Variants in STK35 observed in about 807,000 individuals in gnomAD.
STK35 encodes the protein serine/threonine kinase 35, also known as serine/threonine-protein kinase 35.
STK35 carries 17 observed loss-of-function variants against 37.3 expected under a neutral mutation model. That is an observed-to-expected ratio of 0.46 (90% CI 0.31 to 0.68). The LOEUF (loss-of-function observed/expected upper bound fraction) is 0.68. STK35 is among the 30% of genes least tolerant of loss of function. The pLI, the probability that STK35 is intolerant of heterozygous loss-of-function variation, is 0.05. For synonymous variants in STK35, 385 were observed against 319.1 expected, an observed-to-expected ratio of 1.21 and a Z score of -2.20; for missense variants, 595 against 746.7, an observed-to-expected ratio of 0.80 and a Z score of 2.37.
At chr20:2,136,245 G>A (rs908700456) in intron 3 of STK35, among the ~76,000 whole-genome samples, 1 of 152,202 alleles carries the variant, frequency 6.6e-6, no homozygotes, top group Non-Finnish European at 1.5e-5. Context: ...GTCAGTAAGG[G>A]GAATAGTAGC....
intron 3 of STK35, among the ~76,000 whole-genome samples, chr20:2,138,345 CA>C (rs1212412774): frequency 6.6e-6 from 1 of 152,188 alleles, no homozygotes; most frequent in Non-Finnish European, 1.5e-5. Flanking sequence ...TGACCATTAA[CA>C]TGAATGACAG....
At chr20:2,136,428 T>C (rs1035424976) in intron 3 of STK35, among the ~76,000 whole-genome samples, 1 of 152,222 alleles carries the variant, frequency 6.6e-6, no homozygotes, top group African/African-American at 2.4e-5. Flanking sequence ...GGCTTCCGAC[T>C]TGGACACGGT....
At chr20:2,115,967 C>T (rs77057998) in intron 2 of STK35, among the ~76,000 whole-genome samples, 9 of 152,096 alleles carry the variant, frequency 5.9e-5, no homozygotes, top group Non-Finnish European at 1.2e-4. Flanking sequence ...CTCCTGCCTC[C>T]GCTTCACTGT....
chr20:2,114,082 C>A (rs1985669501), intron 2 of STK35, among the ~76,000 whole-genome samples: 2 of 152,122 alleles, frequency 1.3e-5, no homozygotes, highest in Admixed American at 1.3e-4. Context: ...TCATCCACGT[C>A]GCCTCCTTCC....
chr20:2,141,093 T>G (rs1986165124), intron 3 of STK35, among the ~76,000 whole-genome samples: 1 of 152,228 alleles, frequency 6.6e-6, no homozygotes, highest in African/African-American at 2.4e-5. Context: ...GGTCTTAATG[T>G]CTCAGATGGT....
chr20:2,136,309 T>G (rs1040255011), intron 3 of STK35, among the ~76,000 whole-genome samples: 2 of 152,224 alleles, frequency 1.3e-5, no homozygotes, highest in Non-Finnish European at 2.9e-5. Flanking sequence ...TGATAGGCTA[T>G]GTAATGTCAG....
intron 3 of STK35, among the ~76,000 whole-genome samples, chr20:2,137,379 C>T (rs1325455065): frequency 2.0e-5 from 3 of 152,228 alleles, no homozygotes; most frequent in Non-Finnish European, 4.4e-5. Context: ...CCACGCTCCT[C>T]TGCATTTGGG....
At chr20:2,127,941 G>T (rs532784373) in intron 3 of STK35, among the ~76,000 whole-genome samples, 1 of 152,302 alleles carries the variant, frequency 6.6e-6, no homozygotes, top group Admixed American at 6.5e-5. Context: ...GATGTCATGA[G>T]TAAGAAGTGT....
At position 2,103,146 on chromosome 20, in the gene STK35, G is replaced by A. The variant is rs1985439866; in HGVS notation, c.673G>A (p.Gly225Arg). ...TTATGAGGCAGTGGCCGGGCGCAGC[G>A]GGGCCCGGGTGGCGGTCAAGAAGAT... ...VVYEAVAGRS[G>R]ARVAVKKIRC... The change falls in exon 2 of 4, where the codon GGG (glycine) becomes AGG (arginine). Residue 225 changes from glycine to arginine, a missense_variant. Transcript: ENST00000381482. The A allele has an allele frequency of 2.5e-6, 4 of 1,605,582 alleles. No individual in the cohort carries two copies. Among genetic ancestry groups the A allele is most frequent in the African/African-American group, 1.3e-5 (1 of 75,014 alleles).
rs1195223400 is a variant in STK35, at chr20:2,130,578, C to CT, written c.*37+13164dup. On this transcript the variant is annotated intron_variant, in intron 3 of 3. Transcript: ENST00000381482. ...GCAGCTCTCCAGTGTGGGCATCTCG[C>CT]TCTCTCTTTATTTATTTATTTTTAC... Among the ~76,000 whole-genome samples, 10 of 152,250 alleles carry CT rather than the reference C, an allele frequency of 6.6e-5. No individual in the cohort carries two copies. The South Asian group carries it at 8.3e-4, about 13-fold the overall frequency.
intron 2 of STK35, among the ~76,000 whole-genome samples, chr20:2,103,820 C>G (rs1311085207): frequency 1.3e-5 from 2 of 152,140 alleles, no homozygotes; most frequent in Non-Finnish European, 2.9e-5. Context: ...CTGTCTGGTT[C>G]CAAGTTTCCT....
In STK35 at chr20:2,102,860, G is replaced by A; in HGVS notation, c.387G>A (p.Pro129=). 6 of 1,554,296 alleles carry A rather than the reference G, an allele frequency of 3.9e-6. No homozygotes were observed. In the South Asian group the frequency reaches 7.0e-5, roughly 18 times the overall value. ...GARAAPLLLP[P]PPAAMETGKD... ...GGGCAGCGCCGTTGCTGCTCCCCCC[G>A]CCGCCCGCAGCCATGGAAACGGGGA... Residue 129 remains proline (P), a synonymous_variant, in exon 2 of 4, where the codon CCG becomes CCA. Coordinates refer to ENST00000381482, the MANE Select transcript of STK35 (RefSeq NM_080836.4).
At position 2,102,749 on chromosome 20, in the gene STK35, C is replaced by G. The variant is rs1014539758; in HGVS notation, c.295-19C>G. On this transcript the variant is annotated intron_variant, in intron 1 of 3. Transcript: ENST00000381482. ...TCCCCGCCTTGGCCTGGCCGTTTAA[C>G]CGATTCTTTCGCCCGCAGGTCACAA... 1 of 1,409,262 alleles carries G rather than the reference C, an allele frequency of 7.1e-7. No individual in the cohort carries two copies. Among genetic ancestry groups the G allele is most frequent in the South Asian group, 1.4e-5 (1 of 69,484 alleles). 87.3% of individuals were successfully genotyped at this position (1,409,262 alleles called of 1,614,324 possible).
chr20:2,142,054 CT>C (rs760318033), intron 3 of STK35, among the ~76,000 whole-genome samples: 83 of 152,226 alleles, frequency 5.5e-4, no homozygotes, highest in Non-Finnish European at 1.0e-3. Flanking sequence ...TTCCAGAAGC[CT>C]TATCCCCTCC....
chr20:2,146,925 T>C lies in STK35; in HGVS notation c.*3179T>C, dbSNP rs1986280012. 1 of 152,420 alleles carries C rather than the reference T, an allele frequency of 6.6e-6. No homozygotes were observed. The highest frequency in any genetic ancestry group is 6.5e-5 in the Admixed American group (1 of 15,282). The allele number at this position is 152,420 out of a possible 1,614,324, so 9.4% of individuals were successfully genotyped here. On this transcript the variant is annotated 3_prime_UTR_variant, in exon 4 of 4. Coordinates refer to ENST00000381482, the MANE Select transcript of STK35 (RefSeq NM_080836.4). ...CTTCTCTGGGCACTGGGGACTAAGG[T>C]TGCAGGCCTTAGCCTCGTCTCGTCC...
rs1008252744 is a variant in STK35 at position 2,148,048 on chromosome 20, G to A, written c.*4302G>A. On this transcript the variant is annotated 3_prime_UTR_variant, in exon 4 of 4. Transcript: ENST00000381482. ...TAGCATCTACAGCCATCACCGAGAT[G>A]AGTCCACTGCCGTTGCCTGCCCGAG... 1 of 134,576 alleles carries A rather than the reference G, an allele frequency of 7.4e-6. No individual in the cohort carries two copies. The highest frequency in any genetic ancestry group is 2.6e-5 in the African/African-American group (1 of 38,416). The allele number at this position is 134,576 out of a possible 1,614,324, so 8.3% of individuals were successfully genotyped here. A position where few individuals can be genotyped will look rare whatever the true frequency, so the allele number is the denominator to read the frequency against.
chr20:2,103,555 G>A (rs1985451913), intron 2 of STK35, among the ~76,000 whole-genome samples, 190 bp downstream of exon 2: 1 of 152,184 alleles, frequency 6.6e-6, no homozygotes, highest in African/African-American at 2.4e-5. Context: ...ATCAGTCCCT[G>A]GGCCTAAAGT....
chr20:2,146,441 A>G lies in STK35; in HGVS notation c.*2695A>G, dbSNP rs375043830. The G allele has an allele frequency of 6.5e-6, 1 of 152,722 alleles. No individual in the cohort carries two copies. Among genetic ancestry groups the G allele is most frequent in the Non-Finnish European group, 1.5e-5 (1 of 68,100 alleles). 9.5% of individuals were successfully genotyped at this position (152,722 alleles called of 1,614,324 possible). ...AGTTCTAGTAGTATTCAAAACTTCAAACGGCAGTCATTTGTTCTCCTCGGC... is the reference window on the plus strand; with the variant it reads ...AGTTCTAGTAGTATTCAAAACTTCAGACGGCAGTCATTTGTTCTCCTCGGC... On this transcript the variant is annotated 3_prime_UTR_variant, in exon 4 of 4. Coordinates refer to ENST00000381482, the MANE Select transcript of STK35 (RefSeq NM_080836.4).
At chr20:2,118,337 A>C (rs1161936230) in intron 3 of STK35, among the ~76,000 whole-genome samples, 1 of 152,212 alleles carries the variant, frequency 6.6e-6, no homozygotes, top group Non-Finnish European at 1.5e-5. Context: ...TTATTTAAAA[A>C]ATTTATTCCA....
Sources: gnomAD v4.1 joint callset for allele counts (sites outside exome capture counted in the v4.1 genomes callset) on GRCh38, gnomAD v4.1.1 for gene constraint, MANE v1.5 for transcripts, NCBI Gene and HGNC (gene_info 2026-07-23, HGNC 2026-07-21) for gene names.